RXFP1: variants seen among roughly 807,000 people sequenced by gnomAD.
The protein encoded by RXFP1 is relaxin family peptide receptor 1, also known as relaxin receptor 1.
In RXFP1, 73 loss-of-function variants were observed where a neutral mutation model predicts 89.8. The observed-to-expected ratio is 0.81, with a 90% confidence interval of 0.67 to 0.99. RXFP1 has a LOEUF of 0.99. Among genes scored for constraint, RXFP1 ranks in the 50% least tolerant of loss-of-function variants. RXFP1 has a pLI of 0.00. For missense variants in RXFP1, 793 were observed against 895.5 expected, an observed-to-expected ratio of 0.89 and a Z score of 1.46; for synonymous variants, 277 against 305.5, an observed-to-expected ratio of 0.91 and a Z score of 0.97.
intron 17 of RXFP1, among the ~76,000 whole-genome samples, 187 bp downstream of exon 17, chr4:158,648,904 G>T (rs1279503945): frequency 6.6e-6 from 1 of 152,202 alleles, no homozygotes; most frequent in East Asian, 1.9e-4. Flanking sequence ...CTTGAGGTCA[G>T]GAGTTTGAGA....
chr4:158,568,340 G>A (rs1019248340), intron 1 of RXFP1, among the ~76,000 whole-genome samples: 2 of 152,086 alleles, frequency 1.3e-5, no homozygotes, highest in African/African-American at 4.8e-5. Context: ...TTAAAGACTG[G>A]ACATAAAAAG....
At chr4:158,543,074 T>C (rs1324508446) in intron 1 of RXFP1, among the ~76,000 whole-genome samples, 1 of 152,104 alleles carries the variant, frequency 6.6e-6, no homozygotes, top group African/African-American at 2.4e-5. Context: ...AGTTTACTTA[T>C]ATAATAAACC....
chr4:158,531,222 G>A (rs897880997), intron 1 of RXFP1, among the ~76,000 whole-genome samples: 1 of 152,130 alleles, frequency 6.6e-6, no homozygotes, highest in Non-Finnish European at 1.5e-5. Flanking sequence ...AATTTATAGA[G>A]AGGAGAACAC....
chr4:158,619,046 G>A (rs1165778053), intron 9 of RXFP1, among the ~76,000 whole-genome samples: 1 of 151,794 alleles, frequency 6.6e-6, no homozygotes, highest in Non-Finnish European at 1.5e-5. Flanking sequence ...ATAGTGCAAA[G>A]TACTAGAAGA....
chr4:158,522,541 A>G (rs1741438662), intron 1 of RXFP1, among the ~76,000 whole-genome samples: 1 of 152,182 alleles, frequency 6.6e-6, no homozygotes, highest in African/African-American at 2.4e-5. Flanking sequence ...GAAAGCACAA[A>G]GCAATGAAAA....
intron 3 of RXFP1, 138 bp downstream of exon 3, chr4:158,593,637 A>C (rs1759969968): frequency 9.3e-6 from 5 of 539,952 alleles, no homozygotes. Flanking sequence ...AAAATTCGTA[A>C]GAGGTCAATT....
chr4:158,547,544 G>A (rs913594089), intron 1 of RXFP1, among the ~76,000 whole-genome samples: 2 of 150,780 alleles, frequency 1.3e-5, no homozygotes, highest in Non-Finnish European at 1.5e-5. Context: ...GTGACGTTAG[G>A]GTGTCAATTT....
At chr4:158,620,727 G>C (rs1339753828) in intron 9 of RXFP1, among the ~76,000 whole-genome samples, 1 of 152,174 alleles carries the variant, frequency 6.6e-6, no homozygotes, top group Non-Finnish European at 1.5e-5. Context: ...GCAAAAATAT[G>C]TGATAATCTT....
At chr4:158,559,486 A>C (rs1751982361) in intron 1 of RXFP1, among the ~76,000 whole-genome samples, 1 of 152,138 alleles carries the variant, frequency 6.6e-6, no homozygotes. Flanking sequence ...GTGACAAATA[A>C]AGGCTAGACC....
chr4:158,652,151 A>G lies in RXFP1; in HGVS notation c.*96A>G, dbSNP rs1222111809. 5.1e-6 allele frequency: 5 copies of G among 977,228 alleles called. No individual in the cohort carries two copies. The highest frequency in any genetic ancestry group is 7.3e-6 in the Non-Finnish European group (5 of 682,128). The allele number at this position is 977,228 out of a possible 1,614,324, so 60.5% of individuals were successfully genotyped here. A position where few individuals can be genotyped will look rare whatever the true frequency, so the allele number is the denominator to read the frequency against. ...ATGAATACCACAAAATTAATTTATA[A>G]TAATAGCTAAGATAAATATTTTACA... On this transcript the variant is annotated 3_prime_UTR_variant, in exon 18 of 18. Transcript: ENST00000307765.
intron 8 of RXFP1, among the ~76,000 whole-genome samples, chr4:158,615,231 T>G (rs1427819043): frequency 6.6e-6 from 1 of 152,080 alleles, no homozygotes; most frequent in Non-Finnish European, 1.5e-5. Flanking sequence ...ACACACAACA[T>G]TTATTGATTA....
At position 158,633,339 on chromosome 4, in the gene RXFP1, T is replaced by C. The variant is rs983183876; in HGVS notation, c.900-66T>C. 11 of 1,049,754 alleles carry C rather than the reference T, an allele frequency of 1.0e-5. No individual in the cohort carries two copies. The African/African-American group carries it at 1.4e-4, about 14-fold the overall frequency. 65.0% of individuals were successfully genotyped at this position (1,049,754 alleles called of 1,614,324 possible). On this transcript the variant is annotated intron_variant, in intron 11 of 17. Transcript: ENST00000307765. ...GAAAAGTTGTATAGTGGTTTCCTAA[T>C]GAATTTCAGAACAATGAGTAAAGTC...
intron 9 of RXFP1, among the ~76,000 whole-genome samples, chr4:158,625,308 G>C (rs1766491630): frequency 1.3e-5 from 2 of 152,008 alleles, no homozygotes; most frequent in Non-Finnish European, 2.9e-5. Flanking sequence ...AATATCCCAT[G>C]TAGTACAAAA....
At chr4:158,614,708 G>A (rs775933985) in intron 8 of RXFP1, among the ~76,000 whole-genome samples, 1 of 152,196 alleles carries the variant, frequency 6.6e-6, no homozygotes, top group Non-Finnish European at 1.5e-5. Flanking sequence ...CAATAAGGCT[G>A]TCTTACTTTC....
At chr4:158,531,334 T>G (rs1397523624) in intron 1 of RXFP1, among the ~76,000 whole-genome samples, 1 of 152,236 alleles carries the variant, frequency 6.6e-6, no homozygotes, top group Non-Finnish European at 1.5e-5. Context: ...GGTCTGCCTT[T>G]GACTCTTCAC....
At chr4:158,639,157 T>C in intron 13 of RXFP1, 103 bp from the exon 14 acceptor site, 1 of 665,974 alleles carries the variant, frequency 1.5e-6, no homozygotes, top group East Asian at 2.7e-5. Context: ...AGAGTAAGTG[T>C]TAACTAAAAG....
chr4:158,626,144 A>T (rs141660070), intron 9 of RXFP1, among the ~76,000 whole-genome samples: 26 of 148,822 alleles, frequency 1.7e-4, no homozygotes, highest in African/African-American at 3.8e-4. Flanking sequence ...AGATAGATAG[A>T]TAGATAGATA....
At chr4:158,538,928 A>G (rs1207919781) in intron 1 of RXFP1, among the ~76,000 whole-genome samples, 1 of 152,184 alleles carries the variant, frequency 6.6e-6, no homozygotes, top group African/African-American at 2.4e-5. Flanking sequence ...CATCCAACCC[A>G]TGTATTGTTC....
intron 1 of RXFP1, among the ~76,000 whole-genome samples, chr4:158,563,169 G>A (rs924314613): frequency 5.9e-5 from 9 of 152,136 alleles, no homozygotes; most frequent in African/African-American, 1.9e-4. Context: ...GGAATTTAGG[G>A]AAGGATTATT....
Sources: gnomAD v4.1 joint callset for allele counts (sites outside exome capture counted in the v4.1 genomes callset) on GRCh38, gnomAD v4.1.1 for gene constraint, MANE v1.5 for transcripts, NCBI Gene and HGNC (gene_info 2026-07-23, HGNC 2026-07-21) for gene names.